Variants in IFT43 observed in about 807,000 individuals in gnomAD.
The protein encoded by IFT43 is intraflagellar transport protein 43 homolog.
IFT43 carries 33 observed loss-of-function variants against 32.3 expected under a neutral mutation model. That is an observed-to-expected ratio of 1.02 (90% CI 0.77 to 1.37). The LOEUF is 1.37. Among genes scored for constraint, IFT43 ranks in the 40% most tolerant of loss-of-function variants. IFT43 has a pLI of 0.00. For synonymous variants in IFT43, 93 were observed against 98.2 expected, an observed-to-expected ratio of 0.95 and a Z score of 0.31; for missense variants, 274 against 265.9, an observed-to-expected ratio of 1.03 and a Z score of -0.21.
chr14:76,042,323 T>C (rs978376950), intron 3 of IFT43, among the ~76,000 whole-genome samples: 9 of 151,972 alleles, frequency 5.9e-5, no homozygotes, highest in Non-Finnish European at 1.2e-4. Flanking sequence ...CCAGCCAGAA[T>C]TTGGACCCAC....
intron 2 of IFT43, among the ~76,000 whole-genome samples, chr14:75,997,838 C>G (rs1339387606): frequency 6.6e-6 from 1 of 152,182 alleles, no homozygotes; most frequent in Non-Finnish European, 1.5e-5. Flanking sequence ...CATAACTGGT[C>G]CCTCCTCTTA....
At chr14:76,075,571 C>T (rs1415859776) in intron 5 of IFT43, among the ~76,000 whole-genome samples, 1 of 152,200 alleles carries the variant, frequency 6.6e-6, no homozygotes, top group African/African-American at 2.4e-5. Flanking sequence ...GTTACTGGAG[C>T]GTTTGATGTC....
chr14:76,044,119 G>A (rs1039795094), intron 3 of IFT43, among the ~76,000 whole-genome samples: 5 of 150,032 alleles, frequency 3.3e-5, no homozygotes, highest in East Asian at 2.0e-4. Flanking sequence ...GTGCTATCTC[G>A]GCTCACTGTA....
intron 3 of IFT43, among the ~76,000 whole-genome samples, chr14:76,053,682 C>T (rs777991608): frequency 2.0e-5 from 3 of 152,320 alleles, no homozygotes; most frequent in Non-Finnish European, 4.4e-5. Flanking sequence ...CAGGTTAAAA[C>T]TTCATTCTGC....
At chr14:76,043,733 C>T (rs1187180049) in intron 3 of IFT43, among the ~76,000 whole-genome samples, 1 of 152,214 alleles carries the variant, frequency 6.6e-6, no homozygotes, top group Non-Finnish European at 1.5e-5. Context: ...TTTCTCCATA[C>T]ACTATAGCCA....
intron 3 of IFT43, among the ~76,000 whole-genome samples, chr14:76,057,374 G>A (rs2037038809): frequency 6.6e-6 from 1 of 152,016 alleles, no homozygotes; most frequent in African/African-American, 2.4e-5. Flanking sequence ...GGGATTACAG[G>A]TGCCCACCAC....
intron 1 of IFT43, chr14:75,986,211 G>C: frequency 7.7e-7 from 1 of 1,305,912 alleles, no homozygotes; most frequent in Non-Finnish European, 1.0e-6. Flanking sequence ...TCCCATCCTA[G>C]AGTTTTTCCT....
chr14:75,989,845 A>G (rs542760611), intron 2 of IFT43, among the ~76,000 whole-genome samples: 1 of 152,354 alleles, frequency 6.6e-6, no homozygotes, highest in South Asian at 2.1e-4. Context: ...AGGCAGGTGC[A>G]TGAGCAAATG....
At chr14:76,036,497 C>G (rs2036602558) in intron 3 of IFT43, among the ~76,000 whole-genome samples, 1 of 147,452 alleles carries the variant, frequency 6.8e-6, no homozygotes, top group South Asian at 2.2e-4. Flanking sequence ...CTCCGCCACC[C>G]AGGTTCAAGC....
At chr14:76,080,304 C>G (rs1015153654) in intron 5 of IFT43, among the ~76,000 whole-genome samples, 1 of 152,178 alleles carries the variant, frequency 6.6e-6, no homozygotes, top group African/African-American at 2.4e-5. Context: ...AGCCCCTTTG[C>G]CAAGGCCCGA....
chr14:76,013,944 A>C (rs1055310523), intron 2 of IFT43: 4 of 241,002 alleles, frequency 1.7e-5, no homozygotes, highest in Non-Finnish European at 2.7e-5. Flanking sequence ...TCTGTCTGCA[A>C]GTAATTAGTG....
At chr14:76,027,374 T>G (rs775447683) in intron 3 of IFT43, among the ~76,000 whole-genome samples, 4 of 140,018 alleles carry the variant, frequency 2.9e-5, no homozygotes, top group Non-Finnish European at 6.1e-5. Flanking sequence ...GAAAATAAGT[T>G]GTAGATGTCA....
chr14:75,999,245 A>ATTCATTTATATATAAATTCATTTTT (rs1566699198), intron 2 of IFT43, among the ~76,000 whole-genome samples: 1 of 23,164 alleles, frequency 4.3e-5, no homozygotes, highest in Non-Finnish European at 8.4e-5. Context: ...ATATATATAT[A>ATTCATTTATATATAAATTCATTTTT]TATATATATA....
intron 5 of IFT43, among the ~76,000 whole-genome samples, chr14:76,068,050 C>T (rs2037256705): frequency 6.6e-6 from 1 of 152,134 alleles, no homozygotes; most frequent in African/African-American, 2.4e-5. Flanking sequence ...AAAGGCACTG[C>T]AAAAGTTCCA....
intron 2 of IFT43, among the ~76,000 whole-genome samples, chr14:76,010,050 C>T (rs2036054173): frequency 6.6e-6 from 1 of 152,216 alleles, no homozygotes; most frequent in Admixed American, 6.5e-5. Flanking sequence ...CCTCCTCGGC[C>T]TCCCAAAGGC....
At chr14:76,053,308 T>C (rs1203581960) in intron 3 of IFT43, among the ~76,000 whole-genome samples, 1 of 152,120 alleles carries the variant, frequency 6.6e-6, no homozygotes, top group Non-Finnish European at 1.5e-5. Flanking sequence ...AAGGGTGGGC[T>C]GAGACCTGGG....
At chr14:76,033,148 C>T (rs1342326992) in intron 3 of IFT43, among the ~76,000 whole-genome samples, 1 of 152,104 alleles carries the variant, frequency 6.6e-6, no homozygotes, top group Non-Finnish European at 1.5e-5. Flanking sequence ...CAGTCATTTG[C>T]ATTGGAGCCC....
intron 2 of IFT43, among the ~76,000 whole-genome samples, chr14:75,998,638 G>A (rs2035793654): frequency 6.6e-6 from 1 of 152,194 alleles, no homozygotes. Flanking sequence ...AGCAGTGTTT[G>A]ATGCTGCCAA....
rs901767586 is a variant in IFT43, at chr14:76,033,435, C to T, written c.215+11041C>T. Among the ~76,000 whole-genome samples the T allele has an allele frequency of 2.6e-5, 4 of 152,212 alleles. No homozygotes were observed. The East Asian group carries it at 7.7e-4, about 29-fold the overall frequency. On this transcript the variant is annotated intron_variant, in intron 3 of 8. Coordinates refer to ENST00000314067, the MANE Select transcript of IFT43 (RefSeq NM_001102564.3). ...GCGGATAGTTTTCCTCCAAAACAGA[C>T]GGAGCTTGGAAAGGCTGGGTAAGTT...
Sources: gnomAD v4.1 joint callset for allele counts (sites outside exome capture counted in the v4.1 genomes callset) on GRCh38, gnomAD v4.1.1 for gene constraint, MANE v1.5 for transcripts, NCBI Gene and HGNC (gene_info 2026-07-23, HGNC 2026-07-21) for gene names.